Variants in PTPRO observed in about 807,000 individuals in gnomAD.
PTPRO encodes protein tyrosine phosphatase receptor type O, also known as receptor-type tyrosine-protein phosphatase O.
Under a neutral mutation model 145.2 loss-of-function variants are expected in PTPRO, and 62 were observed. The observed-to-expected ratio is 0.43, with a 90% CI of 0.35 to 0.53. The LOEUF (loss-of-function observed/expected upper bound fraction) is 0.53, where lower values mean the gene tolerates loss of function less well. Among genes scored for constraint, PTPRO ranks in the 20% least tolerant of loss-of-function variants. The probability of loss-of-function intolerance (pLI) is 0.01; values close to 1 mark genes in which losing one functional copy is unlikely to be tolerated. For synonymous variants in PTPRO, 565 were observed against 514.7 expected, an observed-to-expected ratio of 1.10 and a Z score of -1.32; for missense variants, 1,345 against 1,482.7, an observed-to-expected ratio of 0.91 and a Z score of 1.53.
At chr12:15,581,933 T>C (rs898859761) in intron 23 of PTPRO, 132 bp downstream of exon 23, 95 of 1,251,658 alleles carry the variant, frequency 7.6e-5, no homozygotes, top group Non-Finnish European at 1.1e-4. Context: ...GAGTGTGGAG[T>C]GGGAAATCAG....
At chr12:15,534,716 T>C (rs760771091) in intron 12 of PTPRO, among the ~76,000 whole-genome samples, 5 of 152,170 alleles carry the variant, frequency 3.3e-5, no homozygotes, top group Non-Finnish European at 5.9e-5. Flanking sequence ...AGGCATGCAG[T>C]TGGAATATTA....
At chr12:15,523,137 T>A (rs547096942) in intron 10 of PTPRO, among the ~76,000 whole-genome samples, 1 of 152,228 alleles carries the variant, frequency 6.6e-6, no homozygotes, top group South Asian at 2.1e-4. Context: ...ATGAAACAAA[T>A]GCATTTTTAC....
chr12:15,357,975 T>G (rs1184444331), intron 1 of PTPRO, among the ~76,000 whole-genome samples: 1 of 151,254 alleles, frequency 6.6e-6, no homozygotes, highest in African/African-American at 2.4e-5. Context: ...AGCAAAGACT[T>G]GGAACCAACC....
At position 15,516,802 on chromosome 12, in the gene PTPRO, GTC is replaced by G. The variant is rs748194746; in HGVS notation, c.1626_1627del (p.Pro543TyrfsTer21). 9.9e-6 allele frequency: 16 copies of G among 1,611,828 alleles called. No homozygotes were observed. In the Admixed American group the frequency reaches 2.7e-4, roughly 27 times the overall value. On this transcript the variant is annotated frameshift_variant, in exon 9 of 27. Coordinates refer to ENST00000281171, the MANE Select transcript of PTPRO (RefSeq NM_030667.3). LOFTEE classifies it high-confidence loss of function. ...AAGGATTTAATGCTCTATCCTTTGG[GTC>G]CTACGGCCGTGGTTCTGAGCTGGAC...
intron 1 of PTPRO, among the ~76,000 whole-genome samples, chr12:15,442,472 C>T (rs1227402299): frequency 6.6e-6 from 1 of 152,142 alleles, no homozygotes; most frequent in Admixed American, 6.5e-5. Context: ...TCCTATTCAA[C>T]ATAGTACTGG....
At chr12:15,582,423 G>A (rs138398642) in intron 23 of PTPRO, among the ~76,000 whole-genome samples, 17 of 152,316 alleles carry the variant, frequency 1.1e-4, no homozygotes, top group African/African-American at 3.8e-4. Context: ...CCTTCAAGAG[G>A]AAAAATCCAT....
At position 15,523,804 on chromosome 12, in the gene PTPRO, AT is replaced by A. The variant is rs112504449; in HGVS notation, c.1892-999del. Among the ~76,000 whole-genome samples, 1,344 of 147,820 alleles carry A rather than the reference AT, an allele frequency of 9.1e-3. 24 individuals carry two copies. Among genetic ancestry groups the A allele is most frequent in the African/African-American group, 0.03 (1,214 of 40,462 alleles). ...GTAAAAATAAAATAAAATAAAAGTA[AT>A]TTTTTTTTTTGAGGCAGGGTCTCAC... On this transcript the variant is annotated intron_variant, in intron 10 of 26. Coordinates refer to ENST00000281171, the MANE Select transcript of PTPRO (RefSeq NM_030667.3).
At chr12:15,500,083 G>GTGGGTGGGTGGA (rs148826736) in intron 4 of PTPRO, among the ~76,000 whole-genome samples, 5 of 149,930 alleles carry the variant, frequency 3.3e-5, no homozygotes, top group South Asian at 2.2e-4. Flanking sequence ...AGATGGATGG[G>GTGGGTGGGTGGA]TGGATGGATG....
chr12:15,356,393 AGATG>A (rs1202415045), intron 1 of PTPRO, among the ~76,000 whole-genome samples: 1 of 152,042 alleles, frequency 6.6e-6, no homozygotes, highest in African/African-American at 2.4e-5. Flanking sequence ...TTTTTTCCCT[AGATG>A]CTCTAATAAT....
In PTPRO at chr12:15,578,961, G is replaced by C. The variant is rs1178822354; in HGVS notation, c.2920+18G>C. The C allele has an allele frequency of 6.5e-7, 1 of 1,534,746 alleles. No homozygotes were observed. Among genetic ancestry groups the C allele is most frequent in the Non-Finnish European group, 9.0e-7 (1 of 1,108,102 alleles). The stretch of plus-strand genomic sequence containing the variant: ...CCTACCATGTAAGATCGTCAATTGT[G>C]CCAATAACACTCATGTCTTAAGGGT... On this transcript the variant is annotated intron_variant, in intron 20 of 26. Transcript: ENST00000281171.
intron 1 of PTPRO, among the ~76,000 whole-genome samples, chr12:15,404,892 T>C (rs993546191): frequency 2.6e-5 from 4 of 152,146 alleles, no homozygotes; most frequent in Non-Finnish European, 4.4e-5. Context: ...TTTTAGAGGC[T>C]GGAAAGTCCA....
chr12:15,438,418 C>T (rs1940661521), intron 1 of PTPRO, among the ~76,000 whole-genome samples: 1 of 151,956 alleles, frequency 6.6e-6, no homozygotes, highest in Non-Finnish European at 1.5e-5. Context: ...TGCAAGGAAG[C>T]TCATTCAGAT....
chr12:15,458,478 G>A (rs763469724), intron 1 of PTPRO, among the ~76,000 whole-genome samples: 2 of 151,694 alleles, frequency 1.3e-5, no homozygotes, highest in Non-Finnish European at 2.9e-5. Context: ...TGCATATATA[G>A]GCCACTTGAT....
intron 1 of PTPRO, among the ~76,000 whole-genome samples, chr12:15,352,649 C>CAAAAAA (rs71042243): frequency 1.7e-4 from 17 of 100,356 alleles, no homozygotes; most frequent in South Asian, 6.7e-4. Context: ...GACTCTGTCT[C>CAAAAAA]AAAAAAAAAA....
chr12:15,492,112 T>G (rs1565661739), intron 2 of PTPRO, among the ~76,000 whole-genome samples: 1 of 152,174 alleles, frequency 6.6e-6, no homozygotes, highest in South Asian at 2.1e-4. Context: ...CAAAATAATG[T>G]CATATGTCTT....
At chr12:15,499,997 G>A (rs978348475) in intron 4 of PTPRO, among the ~76,000 whole-genome samples, 6 of 151,916 alleles carry the variant, frequency 3.9e-5, no homozygotes, top group Admixed American at 2.0e-4. Flanking sequence ...TAAAACTTGC[G>A]GTGCTTGATT....
intron 1 of PTPRO, among the ~76,000 whole-genome samples, chr12:15,462,635 T>A (rs1941331299): frequency 6.6e-6 from 1 of 152,222 alleles, no homozygotes; most frequent in South Asian, 2.1e-4. Flanking sequence ...ATTGCTTGAA[T>A]TGCCTATATG....
At chr12:15,526,610 C>T (rs1241849250) in intron 12 of PTPRO, among the ~76,000 whole-genome samples, 2 of 152,058 alleles carry the variant, frequency 1.3e-5, no homozygotes, top group Non-Finnish European at 2.9e-5. Flanking sequence ...TTATGTAATG[C>T]TCTCTTTAAT....
At chr12:15,448,623 T>C (rs1457397391) in intron 1 of PTPRO, among the ~76,000 whole-genome samples, 4 of 151,960 alleles carry the variant, frequency 2.6e-5, no homozygotes, top group African/African-American at 7.2e-5. Flanking sequence ...TGGAGGCCTC[T>C]CAAAAAATTA....
Sources: allele counts gnomAD v4.1 joint callset (sites outside exome capture counted in the v4.1 genomes callset), GRCh38; gene constraint gnomAD v4.1.1; transcripts MANE v1.5; gene names NCBI Gene and HGNC (gene_info 2026-07-23, HGNC 2026-07-21).